The following PIGN variants were observed in gnomAD, a reference collection of about 807,000 sequenced individuals.
PIGN encodes the protein phosphatidylinositol glycan anchor biosynthesis class N, also known as GPI ethanolamine phosphate transferase 1.
In PIGN, 117 loss-of-function variants were observed where a neutral mutation model predicts 125.4. The ratio of observed to expected loss-of-function variants is 0.93; its 90% CI spans 0.80 to 1.09. The LOEUF (loss-of-function observed/expected upper bound fraction) is 1.09, where lower values mean the gene tolerates loss of function less well. Ranked by LOEUF, PIGN falls within the 50% of genes least tolerant of loss-of-function variation. The probability of loss-of-function intolerance (pLI) is 0.00; values close to 1 mark genes in which losing one functional copy is unlikely to be tolerated. For missense variants in PIGN, 1,075 were observed against 1,094.9 expected, an observed-to-expected ratio of 0.98 and a Z score of 0.26; for synonymous variants, 392 against 377.8, an observed-to-expected ratio of 1.04 and a Z score of -0.44.
chr18:62,105,882 T>C (rs997680251), intron 19 of PIGN, among the ~76,000 whole-genome samples: 2 of 152,196 alleles, frequency 1.3e-5, no homozygotes, highest in Admixed American at 6.5e-5. Flanking sequence ...ACTTTCTCAT[T>C]TAATTCTCAC....
At chr18:62,099,348 T>C (rs1466684828) in intron 22 of PIGN, among the ~76,000 whole-genome samples, 2 of 152,112 alleles carry the variant, frequency 1.3e-5, no homozygotes, top group African/African-American at 2.4e-5. Flanking sequence ...ATGTTAAAAG[T>C]AACATTCCAC....
rs1033894873 is a variant in PIGN, at chr18:62,044,132, T to G, written c.*1724A>C. On this transcript the variant is annotated 3_prime_UTR_variant, in exon 31 of 31. Coordinates refer to ENST00000640252, the MANE Select transcript of PIGN (RefSeq NM_176787.5). ...ACTGTCAGAAGGAAGTTCAACCTAT[T>G]CTACAGACTCACACTGACCTGAAAG... 1 of 152,034 alleles carries G rather than the reference T, an allele frequency of 6.6e-6. No homozygotes were observed. The highest frequency in any genetic ancestry group is 2.4e-5 in the African/African-American group (1 of 41,378). The allele number at this position is 152,034 out of a possible 1,614,324, so 9.4% of individuals were successfully genotyped here.
chr18:62,025,492 G>C (rs183510078), intron 23 of PIGN, among the ~76,000 whole-genome samples: 1 of 152,246 alleles, frequency 6.6e-6, no homozygotes, highest in East Asian at 1.9e-4. Flanking sequence ...TAATGAGAGA[G>C]GCAAATAGCA....
chr18:62,073,548 C>T (rs1420540292), intron 29 of PIGN, among the ~76,000 whole-genome samples: 1 of 152,232 alleles, frequency 6.6e-6, no homozygotes, highest in East Asian at 1.9e-4. Flanking sequence ...CTTTTTTATA[C>T]AAAATTAATC....
chr18:62,106,967 A>G lies in PIGN; in HGVS notation c.1674+19T>C. 6.5e-7 allele frequency: 1 copy of G among 1,550,034 alleles called. No individual in the cohort carries two copies. The highest frequency in any genetic ancestry group is 8.8e-7 in the Non-Finnish European group (1 of 1,139,232). On this transcript the variant is annotated intron_variant, in intron 18 of 30. Coordinates refer to ENST00000640252, the MANE Select transcript of PIGN (RefSeq NM_176787.5). ...TATAAAAGAAATTTGCAAATGTTGT[A>G]ATCTGGTAAGTTACTTACTAATACT...
intron 30 of PIGN, among the ~76,000 whole-genome samples, chr18:62,047,064 AG>A (rs1169596825): frequency 1.8e-4 from 28 of 152,276 alleles, no homozygotes; most frequent in Admixed American, 1.4e-3. Context: ...CTCGCAGCTA[AG>A]GGACAGACAA....
At chr18:62,058,873 G>A (rs1036022910) in intron 30 of PIGN, 1 of 151,902 alleles carries the variant, frequency 6.6e-6, no homozygotes, top group Non-Finnish European at 1.5e-5. Flanking sequence ...TCCAAAATTG[G>A]TACCAGCTCC....
intron 14 of PIGN, among the ~76,000 whole-genome samples, chr18:62,121,490 A>G (rs542260888): frequency 2.0e-3 from 304 of 152,344 alleles, no homozygotes; most frequent in African/African-American, 7.1e-3. Flanking sequence ...AAATTATTCC[A>G]TGATGCAGAA....
chr18:62,139,815 C>T (rs1306139200), intron 12 of PIGN, among the ~76,000 whole-genome samples: 2 of 152,130 alleles, frequency 1.3e-5, no homozygotes, highest in Non-Finnish European at 2.9e-5. Context: ...ATGTCAGTGC[C>T]CTGAGAACAG....
In PIGN at chr18:62,137,044, T is replaced by C. The variant is rs867225245; in HGVS notation, c.1172+1199A>G. The C allele has an allele frequency of 1.5e-5, 6 of 398,504 alleles. 1 individual carries two copies. The allele number at this position is 398,504 out of a possible 1,614,324, so 24.7% of individuals were successfully genotyped here. A position where few individuals can be genotyped will look rare whatever the true frequency, so the allele number is the denominator to read the frequency against. ...CATTGTTGCCAAAGGAGATTAACCT[T>C]TGAGTCAGTGGAGTGGGAGAAGCAG... On this transcript the variant is annotated intron_variant, in intron 14 of 30. Transcript: ENST00000640252.
At chr18:62,097,391 T>G (rs113990783) in intron 22 of PIGN, among the ~76,000 whole-genome samples, 21,646 of 136,202 alleles carry the variant, frequency 0.16, 2,155 homozygotes, top group Middle Eastern at 0.27. Context: ...CTCACACCAG[T>G]TAGAATGGCA....
intron 28 of PIGN, among the ~76,000 whole-genome samples, chr18:62,077,424 CTTTT>C (rs1341919641): frequency 1.3e-5 from 2 of 151,934 alleles, no homozygotes; most frequent in African/African-American, 4.8e-5. Context: ...CTTTACATAC[CTTTT>C]TTAAAAAGTT....
intron 1 of PIGN, among the ~76,000 whole-genome samples, chr18:62,179,159 TCACATTAAG>T: frequency 6.6e-6 from 1 of 152,182 alleles, no homozygotes; most frequent in African/African-American, 2.4e-5. Flanking sequence ...TTTCTTCACA[TCACATTAAG>T]GGTACTGTCA....
Position 62,143,331 on chromosome 18 carries a change from T to C in PIGN, c.938A>G (p.Asn313Ser). Residue 313 changes from asparagine (N) to serine (S), a missense_variant, in exon 11 of 31, where the codon AAT (asparagine) becomes AGT (serine). This residue lies in a region of PIGN where 915 missense variants were observed against 908.7 expected (regional missense o/e 1.01). Transcript: ENST00000640252. The part of the protein sequence containing the change: ...DAFLKEWRLE[N>S]WKRLDVNQAD... ...CTGATTGACATCTAGCCTCTTCCAA[T>C]TCTCCAATCTCCACTCTGAAAGATA... 2.0e-6 allele frequency: 3 copies of C among 1,521,144 alleles called. No individual in the cohort carries two copies. The highest frequency in any genetic ancestry group is 2.7e-6 in the Non-Finnish European group (3 of 1,106,896). 94.2% of individuals were successfully genotyped at this position (1,521,144 alleles called of 1,614,324 possible).
Position 62,074,793 on chromosome 18 carries a change from C to A in PIGN, c.2605G>T (p.Asp869Tyr). ...TAATGCCTTACCAAAGCCATAATGT[C>A]TGATATGACGAGAACAATGAGAAAA... Reference protein sequence around the residue: ...SLFLIVLVISDIMALHFFFLV... With the variant: ...SLFLIVLVISYIMALHFFFLV... The change falls in exon 29 of 31, where the codon GAC becomes TAC. Residue 869 changes from aspartate (D) to tyrosine (Y), a missense_variant. Physicochemically the swap from Asp to Tyr is radical, Grantham distance 160. Coordinates refer to ENST00000640252, the MANE Select transcript of PIGN (RefSeq NM_176787.5). The A allele has an allele frequency of 6.2e-7, 1 of 1,605,660 alleles. No homozygotes were observed. The highest frequency in any genetic ancestry group is 1.1e-5 in the South Asian group (1 of 90,366).
intron 30 of PIGN, among the ~76,000 whole-genome samples, chr18:62,066,481 A>C (rs2032528248): frequency 6.6e-6 from 1 of 152,226 alleles, no homozygotes; most frequent in African/African-American, 2.4e-5. Flanking sequence ...GCACAGTAGA[A>C]GTGTTGGTTA....
At chr18:62,135,619 CTTTTTTT>C in intron 14 of PIGN, 1 of 67,170 alleles carries the variant, frequency 1.5e-5, no homozygotes, top group East Asian at 4.4e-4. Flanking sequence ...TTTTCTTTGT[CTTTTTTT>C]TTTTTTTTTT....
intron 30 of PIGN, chr18:62,051,803 A>G (rs1392690477): frequency 6.6e-6 from 1 of 152,040 alleles, no homozygotes; most frequent in Admixed American, 6.6e-5. Flanking sequence ...TAAGGTGTCA[A>G]TTTTGGATCT....
intron 30 of PIGN, among the ~76,000 whole-genome samples, chr18:62,063,944 G>T (rs1234813835): frequency 2.5e-5 from 3 of 121,228 alleles, no homozygotes; most frequent in Non-Finnish European, 5.0e-5. Flanking sequence ...GGGGGGAGGG[G>T]GAAGGGATAG....
Sources: allele counts gnomAD v4.1 joint callset (sites outside exome capture counted in the v4.1 genomes callset), GRCh38; gene constraint gnomAD v4.1.1; regional missense constraint gnomAD v4.1.1; transcripts MANE v1.5; gene names NCBI Gene and HGNC (gene_info 2026-07-23, HGNC 2026-07-21).